The following SAMD12 variants were observed in gnomAD, a reference collection of about 807,000 sequenced individuals.
SAMD12 encodes sterile alpha motif domain-containing protein 12.
Under a neutral mutation model 15.0 loss-of-function variants are expected in SAMD12, and 9 were observed. That is an observed-to-expected ratio of 0.60 (90% CI 0.36 to 1.05). The LOEUF is 1.05. Among genes scored for constraint, SAMD12 ranks in the 50% least tolerant of loss-of-function variants. The pLI is 0.01. For missense variants in SAMD12, 230 were observed against 234.2 expected, an observed-to-expected ratio of 0.98 and a Z score of 0.12; for synonymous variants, 86 against 90.1, an observed-to-expected ratio of 0.96 and a Z score of 0.25.
the SAMD12 span, among the ~76,000 whole-genome samples, chr8:118,162,116 C>G: frequency 1.3e-5 from 2 of 149,686 alleles, no homozygotes; most frequent in African/African-American, 4.9e-5. Flanking sequence ...GCCGAGATCA[C>G]GCCACTGCAC....
the SAMD12 span, among the ~76,000 whole-genome samples, chr8:118,177,419 TC>T: frequency 7.7e-3 from 1,165 of 152,024 alleles, 19 homozygotes; most frequent in African/African-American, 0.026. Flanking sequence ...TTTTTTTTAA[TC>T]TTTTGTAGAG....
intron 4 of SAMD12, among the ~76,000 whole-genome samples, chr8:118,340,935 CTT>C (rs769853543): frequency 1.3e-5 from 2 of 152,180 alleles, no homozygotes; most frequent in African/African-American, 2.4e-5. Context: ...AAGGCATTCT[CTT>C]GTTTCAGTTG....
chr8:118,272,348 G>A (rs1563724907), intron 4 of SAMD12, among the ~76,000 whole-genome samples: 1 of 152,244 alleles, frequency 6.6e-6, no homozygotes, highest in African/African-American at 2.4e-5. Flanking sequence ...GCACACAGCA[G>A]TGGGGGCCTT....
intron 2 of SAMD12, among the ~76,000 whole-genome samples, chr8:118,461,041 C>T (rs540900405): frequency 3.5e-4 from 54 of 152,312 alleles, no homozygotes; most frequent in African/African-American, 1.3e-3. Flanking sequence ...TGGAGAATTC[C>T]TGCACACTTT....
chr8:118,336,845 G>A (rs935690589), intron 4 of SAMD12, among the ~76,000 whole-genome samples: 6 of 152,236 alleles, frequency 3.9e-5, no homozygotes, highest in Non-Finnish European at 5.9e-5. Flanking sequence ...AAAAGGATGA[G>A]TTCATGTCCT....
chr8:118,524,173 C>T (rs547232417), intron 2 of SAMD12, among the ~76,000 whole-genome samples: 2 of 152,224 alleles, frequency 1.3e-5, no homozygotes, highest in African/African-American at 2.4e-5. Context: ...CCACCAGACC[C>T]ACTCTCTTGT....
chr8:118,253,997 TCAAA>T (rs1419594168), intron 4 of SAMD12, among the ~76,000 whole-genome samples: 1 of 152,120 alleles, frequency 6.6e-6, no homozygotes, highest in African/African-American at 2.4e-5. Context: ...GAAAATTGTC[TCAAA>T]CACTTTTTAG....
chr8:118,313,690 CAGTT>C (rs1293289195), intron 4 of SAMD12, among the ~76,000 whole-genome samples: 3 of 152,018 alleles, frequency 2.0e-5, no homozygotes, highest in African/African-American at 4.8e-5. Flanking sequence ...GAACCAGAGA[CAGTT>C]AGTTTATATA....
chr8:118,316,167 C>A (rs1413684209), intron 4 of SAMD12, among the ~76,000 whole-genome samples: 2 of 152,006 alleles, frequency 1.3e-5, no homozygotes, highest in African/African-American at 4.8e-5. Context: ...GACTACCAGA[C>A]AAGGTTTGCA....
At chr8:118,507,995 T>C (rs867617173) in intron 2 of SAMD12, among the ~76,000 whole-genome samples, 2,499 of 144,102 alleles carry the variant, frequency 0.017, 55 homozygotes, top group African/African-American at 0.057. Context: ...AATCTCCTTT[T>C]TTTTTTTTTT....
chr8:118,165,105 GT>G, the SAMD12 span, among the ~76,000 whole-genome samples: 2 of 151,718 alleles, frequency 1.3e-5, no homozygotes, highest in Admixed American at 1.3e-4. Flanking sequence ...GATCCCACAG[GT>G]TAAGGGCTCA....
intron 4 of SAMD12, among the ~76,000 whole-genome samples, chr8:118,362,030 A>T (rs1377856986): frequency 1.3e-5 from 2 of 152,070 alleles, no homozygotes; most frequent in Non-Finnish European, 2.9e-5. Context: ...TTGGTTCTTA[A>T]TAAATTTCTA....
intron 4 of SAMD12, among the ~76,000 whole-genome samples, chr8:118,290,645 A>G (rs1814312359): frequency 6.6e-6 from 1 of 152,228 alleles, no homozygotes; most frequent in East Asian, 1.9e-4. Context: ...CATTGCTCCC[A>G]TTCAGGGATC....
At chr8:118,456,799 G>T (rs1024393401) in intron 2 of SAMD12, among the ~76,000 whole-genome samples, 1 of 152,218 alleles carries the variant, frequency 6.6e-6, no homozygotes, top group African/African-American at 2.4e-5. Flanking sequence ...TAACACAAAA[G>T]AAGCCTTTCT....
chr8:118,485,262 G>A (rs192755418), intron 2 of SAMD12, among the ~76,000 whole-genome samples: 16 of 152,254 alleles, frequency 1.1e-4, no homozygotes, highest in South Asian at 6.2e-4. Context: ...CACCAAGTCA[G>A]TACTCCTGGG....
intron 3 of SAMD12, among the ~76,000 whole-genome samples, chr8:118,432,217 C>T (rs7838366): frequency 0.046 from 7,005 of 152,120 alleles, 558 homozygotes; most frequent in African/African-American, 0.16. Flanking sequence ...TTTGATAAAC[C>T]TAACATCTGT....
chr8:118,392,085 C>T (rs1439170476), intron 3 of SAMD12, among the ~76,000 whole-genome samples: 1 of 152,204 alleles, frequency 6.6e-6, no homozygotes. Context: ...ATATGACACC[C>T]TCTCTCCCCA....
chr8:118,377,027 CCTTTT>C (rs1819423474), downstream of SAMD12, among the ~76,000 whole-genome samples: 1 of 151,854 alleles, frequency 6.6e-6, no homozygotes, highest in Admixed American at 6.6e-5. Context: ...AATTTTGTTT[CCTTTT>C]TTTTTTAAAA....
chr8:118,460,570 T>G lies in SAMD12; in HGVS notation c.193-20609A>C, dbSNP rs183939186. 3.3e-5 allele frequency among the ~76,000 whole-genome samples: 5 copies of G among 152,178 alleles called. No homozygotes were observed. The East Asian group carries it at 9.7e-4, about 29-fold the overall frequency. On this transcript the variant is annotated intron_variant, in intron 2 of 3. Coordinates refer to ENST00000314727, the MANE Select transcript of SAMD12 (RefSeq NM_207506.3). ...TGCAGACATGGAATCAGGGAGGAGATAGACAAACAGGGTATCTCTAGGACA... is the reference window on the plus strand; with the variant it reads ...TGCAGACATGGAATCAGGGAGGAGAGAGACAAACAGGGTATCTCTAGGACA...
Sources: gnomAD v4.1 joint callset for allele counts (sites outside exome capture counted in the v4.1 genomes callset) on GRCh38, gnomAD v4.1.1 for gene constraint, MANE v1.5 for transcripts, NCBI Gene and HGNC (gene_info 2026-07-23, HGNC 2026-07-21) for gene names.